MTUS2: variants seen among roughly 807,000 people sequenced by gnomAD.
MTUS2 encodes the protein microtubule-associated tumor suppressor candidate 2.
MTUS2 carries 40 observed loss-of-function variants against 114.1 expected under a neutral mutation model. The ratio of observed to expected loss-of-function variants is 0.35; its 90% CI spans 0.27 to 0.46. The LOEUF (loss-of-function observed/expected upper bound fraction) is 0.46. MTUS2 is among the 20% of genes least tolerant of loss of function. MTUS2 has a pLI of 1.00. For synonymous variants in MTUS2, 688 were observed against 672.0 expected (o/e 1.02, Z -0.37); for missense variants, 1,679 against 1,705.4 (o/e 0.98, Z 0.27).
At chr13:29,418,878 C>T (rs906282901) in intron 8 of MTUS2, among the ~76,000 whole-genome samples, 1 of 152,198 alleles carries the variant, frequency 6.6e-6, no homozygotes, top group African/African-American at 2.4e-5. Context: ...GCTTTTGAAT[C>T]CCTTTCTCTA....
At chr13:29,256,567 A>G (rs1312981395) in intron 5 of MTUS2, among the ~76,000 whole-genome samples, 1 of 152,250 alleles carries the variant, frequency 6.6e-6, no homozygotes, top group Non-Finnish European at 1.5e-5. Context: ...GGGTCTGCAC[A>G]TATAGCTGGC....
intron 6 of MTUS2, among the ~76,000 whole-genome samples, chr13:29,324,169 G>A (rs1566130868): frequency 6.6e-6 from 1 of 152,324 alleles, no homozygotes; most frequent in South Asian, 2.1e-4. Flanking sequence ...CATGTCCCCC[G>A]TGGCTTGGCT....
At chr13:29,490,590 A>G (rs149614063) in intron 11 of MTUS2, among the ~76,000 whole-genome samples, 1 of 152,396 alleles carries the variant, frequency 6.6e-6, no homozygotes, top group East Asian at 1.9e-4. Context: ...ACGGAACAGA[A>G]TTGTTTCAAA....
At chr13:29,315,753 T>C (rs1483935467) in intron 6 of MTUS2, among the ~76,000 whole-genome samples, 1 of 152,148 alleles carries the variant, frequency 6.6e-6, no homozygotes. Context: ...GTGTAAACTT[T>C]AGGTTGAATA....
At chr13:29,132,968 A>G (rs1324501971) in intron 5 of MTUS2, among the ~76,000 whole-genome samples, 1 of 150,062 alleles carries the variant, frequency 6.7e-6, no homozygotes, top group Non-Finnish European at 1.5e-5. Context: ...ACCATTTTAC[A>G]TTTTCACAAG....
chr13:29,098,136 A>G (rs1437295022), intron 4 of MTUS2, among the ~76,000 whole-genome samples: 1 of 152,166 alleles, frequency 6.6e-6, no homozygotes, highest in Admixed American at 6.5e-5. Context: ...ACCAACTCTC[A>G]TGCAGAGACT....
At chr13:29,045,401 G>A (rs1237279295) in intron 4 of MTUS2, among the ~76,000 whole-genome samples, 2 of 152,140 alleles carry the variant, frequency 1.3e-5, no homozygotes, top group Non-Finnish European at 2.9e-5. Context: ...TCCCATTCAT[G>A]AGGGCCCCAC....
At position 29,380,776 on chromosome 13, in the gene MTUS2, C is replaced by T. The variant is rs1377933318; in HGVS notation, c.3117+21303C>T. ...CTAAAAATACAAAAAATTAGCCGGG[C>T]GCGGTGGCGGGCACCTGTAGTCCCA... On this transcript the variant is annotated intron_variant, in intron 8 of 15. Coordinates refer to ENST00000612955, the MANE Select transcript of MTUS2 (RefSeq NM_001033602.4). Among the ~76,000 whole-genome samples, 17 of 62,098 alleles carry T rather than the reference C, an allele frequency of 2.7e-4. 5 individuals carry two copies. Among genetic ancestry groups the T allele is most frequent in the Admixed American group, 6.1e-4 (3 of 4,948 alleles). 40.7% of individuals were successfully genotyped at this position (62,098 alleles called of 152,430 possible).
intron 5 of MTUS2, among the ~76,000 whole-genome samples, chr13:29,137,473 A>G (rs997306847): frequency 2.0e-5 from 3 of 151,636 alleles, no homozygotes; most frequent in African/African-American, 7.3e-5. Flanking sequence ...GGACTACCGC[A>G]GTGTATTGCT....
chr13:29,027,466 G>A (rs959334656), intron 3 of MTUS2, among the ~76,000 whole-genome samples: 3 of 152,178 alleles, frequency 2.0e-5, no homozygotes, highest in Admixed American at 6.5e-5. Context: ...ATAATACAGC[G>A]TTTGATCTTT....
intron 2 of MTUS2, among the ~76,000 whole-genome samples, chr13:28,938,469 AATG>A (rs1701593705): frequency 6.6e-6 from 1 of 152,192 alleles, no homozygotes; most frequent in Admixed American, 6.5e-5. Flanking sequence ...TGTTAATCAG[AATG>A]ATAAGAATAT....
chr13:29,481,911 C>T (rs994125384), intron 10 of MTUS2, among the ~76,000 whole-genome samples: 1 of 152,092 alleles, frequency 6.6e-6, no homozygotes, highest in Non-Finnish European at 1.5e-5. Flanking sequence ...AGAAACTGAA[C>T]CCCCGGTGTC....
intron 6 of MTUS2, among the ~76,000 whole-genome samples, chr13:29,301,728 T>G (rs1464957753): frequency 6.6e-6 from 1 of 152,216 alleles, no homozygotes; most frequent in Non-Finnish European, 1.5e-5. Context: ...ACTAGTACAG[T>G]GCGTATAATC....
chr13:29,152,940 A>G (rs1052197098), intron 5 of MTUS2, among the ~76,000 whole-genome samples: 2 of 152,156 alleles, frequency 1.3e-5, no homozygotes, highest in Non-Finnish European at 2.9e-5. Flanking sequence ...GAATTTCCTA[A>G]AAGTGTGATA....
Position 29,503,339 on chromosome 13 carries a change from C to A in MTUS2, c.*133C>A. 1.1e-6 allele frequency: 1 copy of A among 949,544 alleles called. No individual in the cohort carries two copies. The highest frequency in any genetic ancestry group is 1.6e-6 in the Non-Finnish European group (1 of 633,386). The allele number at this position is 949,544 out of a possible 1,614,324, so 58.8% of individuals were successfully genotyped here. A position where few individuals can be genotyped will look rare whatever the true frequency, so the allele number is the denominator to read the frequency against. ...GCTGCGAATGCATCCTAGGCGCGTCCTCCTCTGATCCCCGTGTAAGACTGC... is the reference window on the plus strand; with the variant it reads ...GCTGCGAATGCATCCTAGGCGCGTCATCCTCTGATCCCCGTGTAAGACTGC... On this transcript the variant is annotated 3_prime_UTR_variant, in exon 16 of 16. Coordinates refer to ENST00000612955, the MANE Select transcript of MTUS2 (RefSeq NM_001033602.4).
intron 2 of MTUS2, among the ~76,000 whole-genome samples, chr13:28,852,260 C>T (rs1876326687): frequency 6.6e-6 from 1 of 152,158 alleles, no homozygotes; most frequent in African/African-American, 2.4e-5. Flanking sequence ...GAGCATTCTC[C>T]GTACATTACA....
At chr13:28,914,591 A>G (rs890434252) in intron 2 of MTUS2, among the ~76,000 whole-genome samples, 13 of 151,924 alleles carry the variant, frequency 8.6e-5, no homozygotes, top group South Asian at 4.1e-4. Flanking sequence ...TTTTGTAGAT[A>G]TTTATCAGGT....
At position 29,172,286 on chromosome 13, in the gene MTUS2, C is replaced by T. The variant is rs181766509; in HGVS notation, c.2644+71316C>T. Among the ~76,000 whole-genome samples the T allele has an allele frequency of 1.8e-3, 269 of 152,250 alleles. 1 individual carries two copies. Among genetic ancestry groups the T allele is most frequent in the African/African-American group, 5.6e-3 (233 of 41,554 alleles). Reference sequence around the variant, plus strand: ...TTGACAATGTCCAAGATAACTTCCCCCTCAAACATGCTGGCTTCTATTCTC... The same window carrying T: ...TTGACAATGTCCAAGATAACTTCCCTCTCAAACATGCTGGCTTCTATTCTC... On this transcript the variant is annotated intron_variant, in intron 5 of 15. Transcript: ENST00000612955.
chr13:29,098,823 T>G (rs1438763955), intron 4 of MTUS2, among the ~76,000 whole-genome samples: 2 of 152,224 alleles, frequency 1.3e-5, no homozygotes, highest in Non-Finnish European at 2.9e-5. Context: ...GAGTTTAACT[T>G]TTCTTCCAAA....
Sources: allele counts gnomAD v4.1 joint callset (sites outside exome capture counted in the v4.1 genomes callset), GRCh38; gene constraint gnomAD v4.1.1; transcripts MANE v1.5; gene names NCBI Gene and HGNC (gene_info 2026-07-23, HGNC 2026-07-21).